CNGB3: variants seen among roughly 807,000 people sequenced by gnomAD.
CNGB3 encodes the protein cyclic nucleotide gated channel subunit beta 3.
CNGB3 carries 86 observed loss-of-function variants against 92.8 expected under a neutral mutation model. The observed-to-expected ratio is 0.93, with a 90% CI of 0.78 to 1.11. The LOEUF (loss-of-function observed/expected upper bound fraction) is 1.11, where lower values mean the gene tolerates loss of function less well. CNGB3 is among the 50% of genes least tolerant of loss of function. The pLI, the probability that CNGB3 is intolerant of heterozygous loss-of-function variation, is 0.00. For synonymous variants in CNGB3, 333 were observed against 332.7 expected (o/e 1.00, Z -0.01); for missense variants, 1,026 against 956.8 (o/e 1.07, Z -0.95).
At chr8:86,616,981 G>T (rs997047360) in intron 13 of CNGB3, among the ~76,000 whole-genome samples, 5 of 152,142 alleles carry the variant, frequency 3.3e-5, no homozygotes, top group African/African-American at 1.2e-4. Flanking sequence ...ATGTTGGATG[G>T]TAAATAAAAA....
At chr8:86,649,103 A>G (rs1285492730) in intron 7 of CNGB3, among the ~76,000 whole-genome samples, 1 of 151,698 alleles carries the variant, frequency 6.6e-6, no homozygotes, top group Non-Finnish European at 1.5e-5. Context: ...CTAGGAATAT[A>G]CTTAACCAAT....
intron 15 of CNGB3, among the ~76,000 whole-genome samples, chr8:86,591,154 C>A (rs1341830014): frequency 6.6e-6 from 1 of 150,404 alleles, no homozygotes; most frequent in Non-Finnish European, 1.5e-5. Context: ...CTTCTGCATT[C>A]TTCACGTAGT....
At chr8:86,707,303 CTT>C (rs1824668066) in intron 3 of CNGB3, among the ~76,000 whole-genome samples, 1 of 151,958 alleles carries the variant, frequency 6.6e-6, no homozygotes, top group African/African-American at 2.4e-5. Flanking sequence ...ATAATATAAA[CTT>C]AAAAAATATA....
At chr8:86,651,035 A>G (rs1194538114) in intron 7 of CNGB3, among the ~76,000 whole-genome samples, 1 of 151,838 alleles carries the variant, frequency 6.6e-6, no homozygotes, top group Admixed American at 6.6e-5. Flanking sequence ...GGAGGCCATT[A>G]TTCTAAGTGA....
intron 14 of CNGB3, among the ~76,000 whole-genome samples, chr8:86,607,863 C>A (rs948065558): frequency 7.9e-5 from 12 of 152,112 alleles, no homozygotes; most frequent in African/African-American, 2.9e-4. Context: ...TTTCCTTCCC[C>A]TTGCCTTCAA....
intron 3 of CNGB3, among the ~76,000 whole-genome samples, 190 bp from the exon 4 acceptor site, chr8:86,671,288 A>T (rs1441241): frequency 0.78 from 118,677 of 152,158 alleles, 47,422 homozygotes; most frequent in East Asian, 1. Flanking sequence ...GTTATTAAAA[A>T]AATTAGAATC....
At chr8:86,602,075 C>G (rs1036130894) in intron 15 of CNGB3, among the ~76,000 whole-genome samples, 1 of 152,158 alleles carries the variant, frequency 6.6e-6, no homozygotes, top group Admixed American at 6.5e-5. Flanking sequence ...TGGGAAAGGT[C>G]AGCTAATTAA....
At chr8:86,650,605 C>A (rs1823383155) in intron 7 of CNGB3, among the ~76,000 whole-genome samples, 1 of 151,706 alleles carries the variant, frequency 6.6e-6, no homozygotes. Flanking sequence ...CAAATTAAAA[C>A]CACAATGAGA....
intron 3 of CNGB3, among the ~76,000 whole-genome samples, chr8:86,701,877 A>G (rs749583648): frequency 7.2e-5 from 11 of 152,246 alleles, no homozygotes; most frequent in Non-Finnish European, 1.5e-4. Context: ...TTGGGGACTT[A>G]GAAAATACCA....
intron 15 of CNGB3, among the ~76,000 whole-genome samples, chr8:86,586,226 C>A (rs1821886353): frequency 6.6e-6 from 1 of 152,150 alleles, no homozygotes; most frequent in South Asian, 2.1e-4. Context: ...TGCCCTCAAG[C>A]TGTTTGTAAT....
At chr8:86,597,054 T>C (rs1822186844) in intron 15 of CNGB3, among the ~76,000 whole-genome samples, 2 of 152,064 alleles carry the variant, frequency 1.3e-5, no homozygotes, top group Admixed American at 1.3e-4. Flanking sequence ...AGGGATAGCA[T>C]TAGGAGAAAT....
At chr8:86,734,118 A>G (rs887610576) in intron 2 of CNGB3, among the ~76,000 whole-genome samples, 3 of 152,158 alleles carry the variant, frequency 2.0e-5, no homozygotes, top group African/African-American at 7.2e-5. Flanking sequence ...TTGGGCTCCC[A>G]AAGCACTGGG....
intron 3 of CNGB3, among the ~76,000 whole-genome samples, chr8:86,673,206 A>T (rs1368842559): frequency 6.6e-6 from 1 of 152,230 alleles, no homozygotes; most frequent in Non-Finnish European, 1.5e-5. Context: ...AAATAATAAA[A>T]ACATGTGCAA....
rs143051279 is a variant in CNGB3, at chr8:86,696,302, A to G, written c.339-25204T>C. On this transcript the variant is annotated intron_variant, in intron 3 of 17. Transcript: ENST00000320005. ...CCTGTCAGGAGGTGGTGCTTCCAAG[A>G]GAGTACAGCTGCAGTAGTAGAAGGG... Among the ~76,000 whole-genome samples the G allele has an allele frequency of 7.4e-4, 113 of 152,216 alleles. 1 individual carries two copies. Among genetic ancestry groups the G allele is most frequent in the African/African-American group, 2.6e-3 (110 of 41,536 alleles).
intron 13 of CNGB3, among the ~76,000 whole-genome samples, chr8:86,618,808 G>A (rs2131574371): frequency 6.6e-6 from 1 of 152,306 alleles, no homozygotes; most frequent in Non-Finnish European, 1.5e-5. Context: ...GTAAATATGT[G>A]ATGACATATC....
chr8:86,663,466 T>C (rs554991579), intron 6 of CNGB3, among the ~76,000 whole-genome samples: 1 of 152,360 alleles, frequency 6.6e-6, no homozygotes, highest in Non-Finnish European at 1.5e-5. Context: ...CCTCCTGGTT[T>C]CTATTGTAGC....
At chr8:86,624,584 A>G (rs1339333535) in intron 13 of CNGB3, among the ~76,000 whole-genome samples, 4 of 151,724 alleles carry the variant, frequency 2.6e-5, no homozygotes, top group Admixed American at 2.0e-4. Context: ...GTGTGTTTCC[A>G]GCTCAGGGCA....
rs540597078 is a variant in CNGB3 at position 86,668,125 on chromosome 8, C to T, written c.537G>A (p.Lys179=). ...ACAGCCTGTAGTAATGTTCTGTTGG[C>T]TTATCATCGCTTTCTTTTACTGGTG... The part of the protein sequence containing the change: ...AVPPVKESDD[K]PTEHYYRLLW... The change falls in exon 5 of 18, where the codon AAG becomes AAA. Residue 179 remains lysine (K), a synonymous_variant. Coordinates refer to ENST00000320005, the MANE Select transcript of CNGB3 (RefSeq NM_019098.5). The T allele has an allele frequency of 1.9e-6, 3 of 1,613,276 alleles. No homozygotes were observed. Among genetic ancestry groups the T allele is most frequent in the African/African-American group, 2.7e-5 (2 of 74,668 alleles).
Position 86,576,012 on chromosome 8 carries a change from T to TCTTTATCTTCATTTTCTTTTC in CNGB3, c.2201_2221dup (p.Gly734_Lys740dup). ...CTTCTCTTCTGGCTCTCTTCCTTTA[T>TCTTTATCTTCATTTTCTTTTC]CTTTATCTTCATTTTCTTTTCCTTT... On this transcript the variant is annotated inframe_insertion, in exon 18 of 18. Transcript: ENST00000320005. The TCTTTATCTTCATTTTCTTTTC allele has an allele frequency of 1.2e-6, 2 of 1,613,092 alleles. No individual in the cohort carries two copies. Among genetic ancestry groups the TCTTTATCTTCATTTTCTTTTC allele is most frequent in the Non-Finnish European group, 1.7e-6 (2 of 1,179,460 alleles).
Sources: gnomAD v4.1 joint callset for allele counts (sites outside exome capture counted in the v4.1 genomes callset) on GRCh38, gnomAD v4.1.1 for gene constraint, MANE v1.5 for transcripts, NCBI Gene and HGNC (gene_info 2026-07-23, HGNC 2026-07-21) for gene names.